ANO6: variants seen among roughly 807,000 people sequenced by gnomAD.
The protein encoded by ANO6 is anoctamin 6, also known as anoctamin-6.
Under a neutral mutation model 117.5 loss-of-function variants are expected in ANO6, and 106 were observed. The observed-to-expected ratio is 0.90, with a 90% CI of 0.77 to 1.06. ANO6 has a LOEUF of 1.06. ANO6 is among the 50% of genes least tolerant of loss of function. The probability of loss-of-function intolerance (pLI) is 0.00; values close to 1 mark genes in which losing one functional copy is unlikely to be tolerated. For missense variants in ANO6, 955 were observed against 1,121.1 expected (o/e 0.85, Z 2.12); for synonymous variants, 367 against 385.1 (o/e 0.95, Z 0.55).
In ANO6 at chr12:45,302,057, A is replaced by C. The variant is rs1939510297; in HGVS notation, c.114A>C (p.Ser38=). Residue 38 remains serine (S), a synonymous_variant, in exon 2 of 20, where the codon TCA becomes TCC. Coordinates refer to ENST00000320560, the MANE Select transcript of ANO6 (RefSeq NM_001025356.3). ...LGQTIVPDLG[S]LESQHDFRTP... Reference sequence around the variant, plus strand: ...AGACAATTGTCCCCGATTTGGGATCACTGGAAAGTCAGCATGATTTTCGAA... The same window carrying C: ...AGACAATTGTCCCCGATTTGGGATCCCTGGAAAGTCAGCATGATTTTCGAA... 1 of 1,614,042 alleles carries C rather than the reference A, an allele frequency of 6.2e-7. No homozygotes were observed. Among genetic ancestry groups the C allele is most frequent in the Non-Finnish European group, 8.5e-7 (1 of 1,179,914 alleles).
downstream of ANO6, chr12:45,432,378 C>T (rs1943655143): frequency 1.1e-5 from 8 of 736,970 alleles, no homozygotes; most frequent in African/African-American, 2.0e-5. Context: ...ATTGTCTTAA[C>T]GTTTTTAAGG....
chr12:45,225,937 CAT>C (rs1947476287), intron 1 of ANO6, among the ~76,000 whole-genome samples: 1 of 152,144 alleles, frequency 6.6e-6, no homozygotes, highest in African/African-American at 2.4e-5. Context: ...ATTGGTAAAT[CAT>C]ATGTAAAGAT....
At chr12:45,417,895 C>T (rs904300119) in intron 17 of ANO6, among the ~76,000 whole-genome samples, 2 of 152,214 alleles carry the variant, frequency 1.3e-5, no homozygotes, top group East Asian at 1.9e-4. Flanking sequence ...CCGAACTCCA[C>T]TTCCCAGCAC....
intron 1 of ANO6, among the ~76,000 whole-genome samples, chr12:45,249,204 C>T (rs1374435096): frequency 6.6e-6 from 1 of 152,178 alleles, no homozygotes; most frequent in Admixed American, 6.5e-5. Context: ...TGAACTGAAA[C>T]TGCAGCTTCC....
downstream of ANO6, among the ~76,000 whole-genome samples, chr12:45,435,920 C>T (rs941512855): frequency 1.3e-5 from 2 of 152,158 alleles, no homozygotes; most frequent in African/African-American, 4.8e-5. Context: ...ATGGCCAGAG[C>T]TTATATAAAA....
At chr12:45,238,666 T>C (rs1947687111) in intron 1 of ANO6, among the ~76,000 whole-genome samples, 1 of 152,228 alleles carries the variant, frequency 6.6e-6, no homozygotes, top group Non-Finnish European at 1.5e-5. Flanking sequence ...AGTATGATAT[T>C]GGCTGTGGGT....
chr12:45,349,064 C>T (rs1738213286), intron 6 of ANO6, among the ~76,000 whole-genome samples: 1 of 152,012 alleles, frequency 6.6e-6, no homozygotes, highest in African/African-American at 2.4e-5. Context: ...TAAATTAATC[C>T]ATTAAATTAA....
chr12:45,257,563 A>C (rs1937880313), intron 1 of ANO6, among the ~76,000 whole-genome samples: 1 of 150,314 alleles, frequency 6.7e-6, no homozygotes, highest in African/African-American at 2.5e-5. Flanking sequence ...TTCCTCTACC[A>C]CTCTGCTTCG....
At chr12:45,271,472 CTATAA>C (rs1938393680) in intron 1 of ANO6, among the ~76,000 whole-genome samples, 2 of 152,158 alleles carry the variant, frequency 1.3e-5, no homozygotes, top group African/African-American at 4.8e-5. Context: ...TTGCACCAAT[CTATAA>C]TATTTTAAAG....
At chr12:45,354,887 T>C (rs369401828) in intron 7 of ANO6, among the ~76,000 whole-genome samples, 2 of 152,312 alleles carry the variant, frequency 1.3e-5, no homozygotes, top group African/African-American at 4.8e-5. Context: ...GGAATAGAGA[T>C]GTGGATGTTT....
chr12:45,409,566 C>A, intron 16 of ANO6, 79 bp downstream of exon 16: 1 of 1,469,644 alleles, frequency 6.8e-7, no homozygotes, highest in Non-Finnish European at 9.4e-7. Flanking sequence ...TGTTATTGAG[C>A]CATATTAACA....
downstream of ANO6, among the ~76,000 whole-genome samples, chr12:45,434,545 T>C (rs1943685917): frequency 6.6e-6 from 1 of 152,174 alleles, no homozygotes; most frequent in Non-Finnish European, 1.5e-5. Flanking sequence ...ATCAAAATCT[T>C]ACAGCAACCC....
chr12:45,410,451 C>A (rs554901094), intron 16 of ANO6, among the ~76,000 whole-genome samples: 1 of 152,288 alleles, frequency 6.6e-6, no homozygotes, highest in South Asian at 2.1e-4. Flanking sequence ...ACTCTTAATT[C>A]TTTTCAGTAG....
At chr12:45,369,044 A>G (rs55812173) in intron 9 of ANO6, among the ~76,000 whole-genome samples, 4,920 of 152,312 alleles carry the variant, frequency 0.032, 245 homozygotes, top group African/African-American at 0.11. Context: ...GCCAGCTGAC[A>G]TTGCAGGCAC....
At position 45,431,238 on chromosome 12, in the gene ANO6, T is replaced by C; in HGVS notation, c.*1927T>C. On this transcript the variant is annotated 3_prime_UTR_variant, in exon 20 of 20. Coordinates refer to ENST00000320560, the MANE Select transcript of ANO6 (RefSeq NM_001025356.3). ...TTTCTTCCCACTGAAGGAAACTCTTTCTCATTCGCAGCCAAGACGGGAGTG... is the reference window on the plus strand; with the variant it reads ...TTTCTTCCCACTGAAGGAAACTCTTCCTCATTCGCAGCCAAGACGGGAGTG... 1.0e-6 allele frequency: 1 copy of C among 985,308 alleles called. No individual in the cohort carries two copies. Among genetic ancestry groups the C allele is most frequent in the Non-Finnish European group, 1.2e-6 (1 of 829,918 alleles). The allele number at this position is 985,308 out of a possible 1,614,324, so 61.0% of individuals were successfully genotyped here. A position where few individuals can be genotyped will look rare whatever the true frequency, so the allele number is the denominator to read the frequency against.
chr12:45,350,891 C>T, intron 7 of ANO6, 117 bp downstream of exon 7: 1 of 862,280 alleles, frequency 1.2e-6, no homozygotes, highest in Admixed American at 2.1e-5. Context: ...ACCCAGAGTG[C>T]TGAGCTTCGT....
intron 1 of ANO6, among the ~76,000 whole-genome samples, chr12:45,300,081 C>T (rs528587095): frequency 6.6e-6 from 1 of 152,258 alleles, no homozygotes; most frequent in African/African-American, 2.4e-5. Context: ...CCAGCCTTCT[C>T]TTCTATAAAA....
intron 7 of ANO6, among the ~76,000 whole-genome samples, chr12:45,355,574 C>G (rs1387943115): frequency 6.6e-6 from 1 of 152,194 alleles, no homozygotes; most frequent in East Asian, 1.9e-4. Context: ...CAAGGCGTCT[C>G]AAACCCATGG....
intron 11 of ANO6, among the ~76,000 whole-genome samples, chr12:45,390,124 A>G (rs544799030): frequency 6.6e-6 from 1 of 152,314 alleles, no homozygotes; most frequent in Non-Finnish European, 1.5e-5. Context: ...CAAGCCCAGA[A>G]GTATAGCTTT....
Sources: allele counts gnomAD v4.1 joint callset (sites outside exome capture counted in the v4.1 genomes callset), GRCh38; gene constraint gnomAD v4.1.1; transcripts MANE v1.5; gene names NCBI Gene and HGNC (gene_info 2026-07-23, HGNC 2026-07-21).